ARID5A: variants seen among roughly 807,000 people sequenced by gnomAD.
The protein encoded by ARID5A is AT-rich interactive domain-containing protein 5A.
A neutral mutation model predicts 30.5 loss-of-function variants in ARID5A; 14 were observed. The observed-to-expected ratio is 0.46, with a 90% CI of 0.30 to 0.72. ARID5A has a LOEUF of 0.72. ARID5A is among the 30% of genes least tolerant of loss of function. The probability of loss-of-function intolerance (pLI) is 0.07; values close to 1 mark genes in which losing one functional copy is unlikely to be tolerated. For synonymous variants in ARID5A, 338 were observed against 340.4 expected, an observed-to-expected ratio of 0.99 and a Z score of 0.08; for missense variants, 669 against 786.2, an observed-to-expected ratio of 0.85 and a Z score of 1.78.
In ARID5A at chr2:96,549,801, A is replaced by T; in HGVS notation, c.308A>T (p.Glu103Val). 6.2e-7 allele frequency: 1 copy of T among 1,612,824 alleles called. No individual in the cohort carries two copies. Among genetic ancestry groups the T allele is most frequent in the Non-Finnish European group, 8.5e-7 (1 of 1,179,486 alleles). ...YKAVEKLGAY[E>V]LVTGRRLWKN... The stretch of plus-strand genomic sequence containing the variant: ...GCAGTGGAGAAGCTGGGGGCCTATG[A>T]GCTGGTAAGGAAGGCACCTCCCAGT... Residue 103 changes from glutamate to valine, a missense_variant, in exon 4 of 7, where the codon GAG (glutamate) becomes GTG (valine). Physicochemically the swap from Glu to Val is moderately radical, Grantham distance 121 (BLOSUM62 -2). Transcript: ENST00000357485. The surrounding 1 kb of genome is among the most constrained non-coding windows in gnomAD (Gnocchi z 6.1).
chr2:96,547,637 C>T (rs992472366), intron 2 of ARID5A, 120 bp downstream of exon 2: 2 of 877,508 alleles, frequency 2.3e-6, no homozygotes, highest in Non-Finnish European at 3.5e-6. Flanking sequence ...TGTTCCTACC[C>T]TGGCCCTGCC....
At chr2:96,547,605 C>A in intron 2 of ARID5A, 88 bp downstream of exon 2, 1 of 1,256,644 alleles carries the variant, frequency 8.0e-7, no homozygotes, top group Non-Finnish European at 1.1e-6. Context: ...TGGACACTCC[C>A]CAAGCTCTCA....
chr2:96,540,725 C>G lies in ARID5A; in HGVS notation c.4+3895C>G, dbSNP rs554028856. Among the ~76,000 whole-genome samples the G allele has an allele frequency of 9.2e-5, 14 of 152,302 alleles. No homozygotes were observed. The South Asian group carries it at 1.7e-3, about 18-fold the overall frequency. ...TTTCTAAATTTAAATGCAATCAAAGCCCCAGTAGTGGGGGTTTTTTGTTTG... is the reference window on the plus strand; with the variant it reads ...TTTCTAAATTTAAATGCAATCAAAGGCCCAGTAGTGGGGGTTTTTTGTTTG... On this transcript the variant is annotated intron_variant, in intron 1 of 6. Coordinates refer to ENST00000357485, the MANE Select transcript of ARID5A (RefSeq NM_212481.3).
rs935456496 is a variant in ARID5A, at chr2:96,551,187, G to T, written c.659G>T (p.Gly220Val). The change falls in exon 7 of 7, where the codon GGC becomes GTC. Residue 220 changes from glycine to valine, a missense_variant. Around this residue, in one of 4 missense-constraint regions of ARID5A, gnomAD observed 548 missense variants for 577.4 expected, o/e 0.95. Transcript: ENST00000357485. ...EPPRNSTEQQ[G>V]LASGSSVSFV... ...CCCAGGAACAGCACAGAACAGCAGGGCCTGGCCTCTGGGTCTTCTGTGTCC... is the reference window on the plus strand; with the variant it reads ...CCCAGGAACAGCACAGAACAGCAGGTCCTGGCCTCTGGGTCTTCTGTGTCC... The T allele has an allele frequency of 6.2e-7, 1 of 1,613,856 alleles. No homozygotes were observed. The highest frequency in any genetic ancestry group is 1.3e-5 in the African/African-American group (1 of 74,914).
At chr2:96,542,852 A>G (rs1398488678) in intron 1 of ARID5A, among the ~76,000 whole-genome samples, 1 of 152,208 alleles carries the variant, frequency 6.6e-6, no homozygotes, top group East Asian at 1.9e-4. Flanking sequence ...AGCTGAGGGT[A>G]GCAGGCAGTG....
In ARID5A at chr2:96,549,490, G is replaced by T; in HGVS notation, c.259+31G>T. The T allele has an allele frequency of 5.0e-6, 8 of 1,603,192 alleles. No individual in the cohort carries two copies. The highest frequency in any genetic ancestry group is 6.0e-6 in the Non-Finnish European group (7 of 1,173,530). On this transcript the variant is annotated intron_variant, in intron 3 of 6. Coordinates refer to ENST00000357485, the MANE Select transcript of ARID5A (RefSeq NM_212481.3). The surrounding 1 kb of genome is among the most constrained non-coding windows in gnomAD (Gnocchi z 6.1). ...TCCCTGGGGTGCAGGCAGGGAGGGG[G>T]GCCCAGCAGGGGACCCCGCCCAGGC... is the stretch of plus-strand genomic sequence containing the variant.
rs1167571239 is a variant in ARID5A at position 96,549,524 on chromosome 2, G to A, written c.259+65G>A. The A allele has an allele frequency of 1.3e-5, 21 of 1,582,142 alleles. No individual in the cohort carries two copies. Among genetic ancestry groups the A allele is most frequent in the South Asian group, 7.9e-5 (7 of 89,154 alleles). ...GGGGACCCCGCCCAGGCAGGGCATCGGGCAGGCACTCCCACTCTGGGTGAC... is the reference window on the plus strand; with the variant it reads ...GGGGACCCCGCCCAGGCAGGGCATCAGGCAGGCACTCCCACTCTGGGTGAC... On this transcript the variant is annotated intron_variant, in intron 3 of 6. Transcript: ENST00000357485. The surrounding 1 kb of genome is among the most constrained non-coding windows in gnomAD (Gnocchi z 6.1).
chr2:96,546,178 G>C (rs959957245), intron 1 of ARID5A, among the ~76,000 whole-genome samples: 2 of 152,134 alleles, frequency 1.3e-5, no homozygotes, highest in Non-Finnish European at 2.9e-5. Context: ...CGCTGGTTTG[G>C]GTTTCTTGTT....
rs748999830 is a variant in ARID5A, at chr2:96,551,888, C to T, written c.1360C>T (p.His454Tyr). 1 of 1,562,632 alleles carries T rather than the reference C, an allele frequency of 6.4e-7. No individual in the cohort carries two copies. The highest frequency in any genetic ancestry group is 2.3e-5 in the East Asian group (1 of 44,388). Residue 454 changes from histidine to tyrosine, a missense_variant, in exon 7 of 7, where the codon CAC becomes TAC. This residue lies in a region of ARID5A where 548 missense variants were observed against 577.4 expected (regional missense o/e 0.95). Coordinates refer to ENST00000357485, the MANE Select transcript of ARID5A (RefSeq NM_212481.3). ...CAGCCTGGAGGAAGAGGGTGCTGCC[C>T]ACAGTGGGAAGAGACTGCGGGCCGT... ...KRSLEEEGAAHSGKRLRAVSP... is the reference protein window; with the variant it reads ...KRSLEEEGAAYSGKRLRAVSP...
At chr2:96,544,716 C>T (rs1236127008) in intron 1 of ARID5A, among the ~76,000 whole-genome samples, 1 of 152,212 alleles carries the variant, frequency 6.6e-6, no homozygotes, top group Non-Finnish European at 1.5e-5. Flanking sequence ...ACTAGCACAA[C>T]ATTTATTCTA....
rs1023179806 is a variant in ARID5A at position 96,539,256 on chromosome 2, A to C, written c.4+2426A>C. ...CAGTGACCAACTTGGTAAGAGGTGC[A>C]GCCATGCAGTGCTGGAACCCCTTGC... On this transcript the variant is annotated intron_variant, in intron 1 of 6. Transcript: ENST00000357485. This position sits in a 1 kb window ranked among gnomAD's most constrained non-coding sequence, Gnocchi z 4.7. 1.3e-5 allele frequency among the ~76,000 whole-genome samples: 2 copies of C among 152,238 alleles called. No individual in the cohort carries two copies. Among genetic ancestry groups the C allele is most frequent in the African/African-American group, 4.8e-5 (2 of 41,466 alleles).
chr2:96,552,013 G>A lies in ARID5A; in HGVS notation c.1485G>A (p.Val495=), dbSNP rs2066059029. The A allele has an allele frequency of 6.6e-7, 1 of 1,523,470 alleles. No homozygotes were observed. Among genetic ancestry groups the A allele is most frequent in the Non-Finnish European group, 8.8e-7 (1 of 1,136,686 alleles). The allele number at this position is 1,523,470 out of a possible 1,614,324, so 94.4% of individuals were successfully genotyped here. Residue 495 remains valine (V), a synonymous_variant, in exon 7 of 7, where the codon GTG becomes GTA. Transcript: ENST00000357485. ...TTCTGGGCCCAGCCCTGGGGCCTGTGCCCCCAGAGGCCTACAGGGGCACCA... is the reference window on the plus strand; with the variant it reads ...TTCTGGGCCCAGCCCTGGGGCCTGTACCCCCAGAGGCCTACAGGGGCACCA... ...SCLLGPALGP[V]PPEAYRGTML...
chr2:96,551,354 C>G lies in ARID5A; in HGVS notation c.826C>G (p.Gln276Glu). The G allele has an allele frequency of 3.7e-6, 6 of 1,613,000 alleles. No individual in the cohort carries two copies. Among genetic ancestry groups the G allele is most frequent in the Non-Finnish European group, 5.1e-6 (6 of 1,179,870 alleles). The change falls in exon 7 of 7, where the codon CAG becomes GAG. Residue 276 changes from glutamine to glutamate, a missense_variant. By Grantham distance (29) the Gln-to-Glu change is conservative. Around this residue, in one of 4 missense-constraint regions of ARID5A, gnomAD observed 548 missense variants for 577.4 expected, o/e 0.95. Transcript: ENST00000357485. Reference sequence around the variant, plus strand: ...GAGCAAGGTGGAGGCCTTGCAGTGCCAGGAGGAGGGCTGCCGCCATGGGGC... The same window carrying G: ...GAGCAAGGTGGAGGCCTTGCAGTGCGAGGAGGAGGGCTGCCGCCATGGGGC... ...QVSKVEALQC[Q>E]EEGCRHGAEP...
rs2065746361 is a variant in ARID5A at position 96,537,066 on chromosome 2, A to G, written c.4+236A>G. 6.6e-6 allele frequency among the ~76,000 whole-genome samples: 1 copy of G among 151,946 alleles called. No individual in the cohort carries two copies. Among genetic ancestry groups the G allele is most frequent in the African/African-American group, 2.4e-5 (1 of 41,364 alleles). ...GCTGGGCGTCCGCGCGAGCTTCGAG[A>G]AAAGGAAAGACAAAAAGTTTTGGCG... On this transcript the variant is annotated intron_variant, in intron 1 of 6. Transcript: ENST00000357485. This position sits in a 1 kb window ranked among gnomAD's most constrained non-coding sequence, Gnocchi z 4.8.
In ARID5A at chr2:96,537,979, GC is replaced by G; in HGVS notation, c.4+1150del. 1 of 985,506 alleles carries G rather than the reference GC, an allele frequency of 1.0e-6. No homozygotes were observed. Among genetic ancestry groups the G allele is most frequent in the Non-Finnish European group, 1.2e-6 (1 of 829,976 alleles). 61.0% of individuals were successfully genotyped at this position (985,506 alleles called of 1,614,324 possible). ...CTGGTGGGAGCCCACACGCACGGTG[GC>G]GTCACTGCGCCTACAGGCAACGCTA... On this transcript the variant is annotated intron_variant, in intron 1 of 6. Transcript: ENST00000357485. The surrounding 1 kb of genome is among the most constrained non-coding windows in gnomAD (Gnocchi z 4.8).
In ARID5A at chr2:96,549,317, C is replaced by A. The variant is rs756148588; in HGVS notation, c.121-4C>A. ...CATCCCAATGCCTCCTGTTCTCTCCCCAGGACTCCCCCGAGGCAGGCGGGG... is the reference window on the plus strand; with the variant it reads ...CATCCCAATGCCTCCTGTTCTCTCCACAGGACTCCCCCGAGGCAGGCGGGG... On this transcript the variant is annotated splice_region_variant and splice_polypyrimidine_tract_variant and intron_variant, in intron 2 of 6. Coordinates refer to ENST00000357485, the MANE Select transcript of ARID5A (RefSeq NM_212481.3). This position sits in a 1 kb window ranked among gnomAD's most constrained non-coding sequence, Gnocchi z 6.1. The A allele has an allele frequency of 6.2e-7, 1 of 1,612,448 alleles. No individual in the cohort carries two copies. The highest frequency in any genetic ancestry group is 8.5e-7 in the Non-Finnish European group (1 of 1,179,564).
chr2:96,547,285 G>A, intron 1 of ARID5A, 117 bp from the exon 2 acceptor site: 1 of 825,030 alleles, frequency 1.2e-6, no homozygotes, highest in Non-Finnish European at 1.9e-6. Flanking sequence ...CCCCTGCACT[G>A]GCGCCCTCTG....
At chr2:96,541,705 C>T (rs946305844) in intron 1 of ARID5A, among the ~76,000 whole-genome samples, 1 of 152,222 alleles carries the variant, frequency 6.6e-6, no homozygotes, top group Non-Finnish European at 1.5e-5. Flanking sequence ...ATCATTATTG[C>T]TTGCTGGATG....
In ARID5A at chr2:96,549,512, A is replaced by C; in HGVS notation, c.259+53A>C. On this transcript the variant is annotated intron_variant, in intron 3 of 6. Coordinates refer to ENST00000357485, the MANE Select transcript of ARID5A (RefSeq NM_212481.3). The surrounding 1 kb of genome is among the most constrained non-coding windows in gnomAD (Gnocchi z 6.1). Reference sequence around the variant, plus strand: ...GGGGGCCCAGCAGGGGACCCCGCCCAGGCAGGGCATCGGGCAGGCACTCCC... The same window carrying C: ...GGGGGCCCAGCAGGGGACCCCGCCCCGGCAGGGCATCGGGCAGGCACTCCC... 4 of 1,593,556 alleles carry C rather than the reference A, an allele frequency of 2.5e-6. No individual in the cohort carries two copies. The highest frequency in any genetic ancestry group is 3.4e-6 in the Non-Finnish European group (4 of 1,168,020).
Sources: allele counts gnomAD v4.1 joint callset (sites outside exome capture counted in the v4.1 genomes callset), GRCh38; gene constraint gnomAD v4.1.1; regional missense constraint gnomAD v4.1.1; non-coding constraint Gnocchi (gnomAD v3.1); transcripts MANE v1.5; gene names NCBI Gene and HGNC (gene_info 2026-07-23, HGNC 2026-07-21).